WNT2B: variants seen among roughly 807,000 people sequenced by gnomAD.
The protein encoded by WNT2B is Wnt family member 2B.
A neutral mutation model predicts 40.5 loss-of-function variants in WNT2B; 19 were observed. The ratio of observed to expected loss-of-function variants is 0.47; its 90% CI spans 0.33 to 0.69. WNT2B has a LOEUF of 0.69. Ranked by LOEUF, WNT2B falls within the 30% of genes least tolerant of loss-of-function variation. The probability of loss-of-function intolerance (pLI) is 0.02; values close to 1 mark genes in which losing one functional copy is unlikely to be tolerated. For synonymous variants in WNT2B, 220 were observed against 211.9 expected, an observed-to-expected ratio of 1.04 and a Z score of -0.33; for missense variants, 467 against 556.4, an observed-to-expected ratio of 0.84 and a Z score of 1.62.
chr1:112,498,871 T>C (rs1397232284), intron 1 of WNT2B, among the ~76,000 whole-genome samples: 1 of 152,154 alleles, frequency 6.6e-6, no homozygotes, highest in African/African-American at 2.4e-5. Flanking sequence ...TTTTCCATCA[T>C]TCACTTCAAA....
rs368700550 is a variant in WNT2B, at chr1:112,520,429, C to T, written c.1096C>T (p.Arg366Trp). The T allele has an allele frequency of 5.9e-5, 96 of 1,614,076 alleles. No homozygotes were observed. Among genetic ancestry groups the T allele is most frequent in the South Asian group, 7.7e-5 (7 of 91,090 alleles). Reference protein sequence around the residue: ...ECKFHWCCAVRCKECRNTVDV... With the variant: ...ECKFHWCCAVWCKECRNTVDV... Reference sequence around the variant, plus strand: ...CAAATTCCACTGGTGCTGTGCTGTACGGTGCAAGGAATGCAGAAATACTGT... The same window carrying T: ...CAAATTCCACTGGTGCTGTGCTGTATGGTGCAAGGAATGCAGAAATACTGT... Residue 366 changes from arginine (R) to tryptophan (W), a missense_variant, in exon 5 of 5, where the codon CGG (arginine) becomes TGG (tryptophan). Around this residue, in one of 2 missense-constraint regions of WNT2B, gnomAD observed 330 missense variants for 438.6 expected, o/e 0.75. Coordinates refer to ENST00000369684, the MANE Select transcript of WNT2B (RefSeq NM_024494.3).
intron 1 of WNT2B, among the ~76,000 whole-genome samples, chr1:112,469,510 A>C (rs1242260584): frequency 1.3e-5 from 2 of 152,122 alleles, no homozygotes; most frequent in Non-Finnish European, 2.9e-5. Flanking sequence ...AATTTTGTTC[A>C]TCAGTTTTAT....
chr1:112,493,463 G>T (rs146642522), intron 1 of WNT2B, among the ~76,000 whole-genome samples: 2,982 of 152,066 alleles, frequency 0.02, 117 homozygotes, highest in African/African-American at 0.068. Flanking sequence ...ACAAAAAAAT[G>T]TATTTTGAAT....
At chr1:112,492,884 C>A (rs1651644296) in intron 1 of WNT2B, among the ~76,000 whole-genome samples, 1 of 152,174 alleles carries the variant, frequency 6.6e-6, no homozygotes, top group African/African-American at 2.4e-5. Flanking sequence ...GAGACCTAAG[C>A]ATAGAACTAT....
chr1:112,482,825 C>T (rs971733257), intron 1 of WNT2B, among the ~76,000 whole-genome samples: 2 of 152,082 alleles, frequency 1.3e-5, no homozygotes, highest in African/African-American at 4.8e-5. Context: ...TATCGCATGT[C>T]CATAGATTGA....
chr1:112,526,098 CAG>C lies in WNT2B; in HGVS notation c.*5592_*5593del. 3 of 1,614,136 alleles carry C rather than the reference CAG, an allele frequency of 1.9e-6. No individual in the cohort carries two copies. The highest frequency in any genetic ancestry group is 2.5e-6 in the Non-Finnish European group (3 of 1,180,012). ...TGAGGATGCCCAGGGTTGGGGGCACCAGAGTCCCAGCACCTTCAAAACAGAAA... is the reference window on the plus strand; with the variant it reads ...TGAGGATGCCCAGGGTTGGGGGCACCAGTCCCAGCACCTTCAAAACAGAAA... On this transcript the variant is annotated 3_prime_UTR_variant, in exon 5 of 5. Transcript: ENST00000369684.
intron 1 of WNT2B, chr1:112,491,147 T>G: frequency 6.7e-7 from 1 of 1,488,342 alleles, no homozygotes. Flanking sequence ...CGGTGGCTCG[T>G]GCCTGTAATC....
Position 112,476,586 on chromosome 1 carries a change from C to T in WNT2B, c.-95+8995C>T, listed in dbSNP as rs536422703. Among the ~76,000 whole-genome samples the T allele has an allele frequency of 1.2e-4, 19 of 152,324 alleles. No homozygotes were observed. The East Asian group carries it at 1.7e-3, about 14-fold the overall frequency. On this transcript the variant is annotated intron_variant, in intron 1 of 4. Transcript: ENST00000256640. ...TACCTACTCCACCCCATCCCCCAGT[C>T]CAAGCACAGCTTTGCACCAAGAGGC...
In WNT2B at chr1:112,497,915, C is replaced by CT. The variant is rs111316479; in HGVS notation, c.-94-16947dup. ...CCACCAAATATCCTAGTTCATCACT[C>CT]TTTTTTTTTTTTAAGTTCCGGGATA... On this transcript the variant is annotated intron_variant, in intron 1 of 4. Transcript: ENST00000256640. Among the ~76,000 whole-genome samples, 108 of 146,308 alleles carry CT rather than the reference C, an allele frequency of 7.4e-4. 1 individual carries two copies. Among genetic ancestry groups the CT allele is most frequent in the Non-Finnish European group, 9.8e-4 (65 of 66,186 alleles).
chr1:112,511,014 C>T (rs1288712434), intron 1 of WNT2B, among the ~76,000 whole-genome samples: 4 of 151,792 alleles, frequency 2.6e-5, no homozygotes. Flanking sequence ...TGCTTCTTAC[C>T]AGTTTGGGAT....
chr1:112,529,491 G>T lies in WNT2B; in HGVS notation c.*8982G>T, dbSNP rs531894525. 6.6e-6 allele frequency: 1 copy of T among 152,190 alleles called. No individual in the cohort carries two copies. The highest frequency in any genetic ancestry group is 2.1e-4 in the South Asian group (1 of 4,804). 9.4% of individuals were successfully genotyped at this position (152,190 alleles called of 1,614,324 possible). On this transcript the variant is annotated 3_prime_UTR_variant, in exon 5 of 5. Transcript: ENST00000369684. ...CCATGGAATCTGACATAAGCTGATT[G>T]CTCATGCTGGTTGTTTTATTTACAT...
intron 1 of WNT2B, among the ~76,000 whole-genome samples, chr1:112,490,008 C>T (rs1048603595): frequency 6.6e-6 from 1 of 152,048 alleles, no homozygotes; most frequent in African/African-American, 2.4e-5. Flanking sequence ...ATTAGAAATA[C>T]ACATGCAAAC....
At chr1:112,468,389 G>C (rs562139159) in intron 1 of WNT2B, among the ~76,000 whole-genome samples, 1 of 152,194 alleles carries the variant, frequency 6.6e-6, no homozygotes, top group South Asian at 2.1e-4. Flanking sequence ...GTTTTCCATA[G>C]TGGTTGTACT....
intron 1 of WNT2B, among the ~76,000 whole-genome samples, chr1:112,487,476 C>T (rs189914132): frequency 1.3e-5 from 2 of 152,248 alleles, no homozygotes; most frequent in Admixed American, 1.3e-4. Flanking sequence ...CTTAGTGTAG[C>T]CTACCTTAAA....
chr1:112,491,657 G>A (rs898423200), intron 1 of WNT2B, among the ~76,000 whole-genome samples: 12 of 152,078 alleles, frequency 7.9e-5, no homozygotes, highest in African/African-American at 1.9e-4. Context: ...AGGCCAAGGC[G>A]GGCAGATTAC....
upstream of WNT2B, among the ~76,000 whole-genome samples, chr1:112,507,161 A>G (rs1652133485): frequency 6.6e-6 from 1 of 152,072 alleles, no homozygotes; most frequent in Admixed American, 6.5e-5. Context: ...CACCTTAATG[A>G]GGCCTACCCT....
chr1:112,477,419 G>A (rs1651085157), intron 1 of WNT2B, among the ~76,000 whole-genome samples: 1 of 152,198 alleles, frequency 6.6e-6, no homozygotes, highest in Non-Finnish European at 1.5e-5. Context: ...ATACAGTCTG[G>A]AAGAGGTGGC....
chr1:112,509,559 T>A lies in WNT2B; in HGVS notation c.182+115T>A. The A allele has an allele frequency of 8.1e-7, 1 of 1,227,254 alleles. No individual in the cohort carries two copies. Among genetic ancestry groups the A allele is most frequent in the Non-Finnish European group, 1.1e-6 (1 of 925,406 alleles). The allele number at this position is 1,227,254 out of a possible 1,614,324, so 76.0% of individuals were successfully genotyped here. ...TGTTGCTTCGACGGGTTGGAGACGA[T>A]TCGGGCAGGACTGTCACTGAAATCT... On this transcript the variant is annotated intron_variant, in intron 1 of 4. Transcript: ENST00000369684. The surrounding 1 kb of genome is among the most constrained non-coding windows in gnomAD (Gnocchi z 4.2).
chr1:112,526,315 T>C lies in WNT2B; in HGVS notation c.*5806T>C. The C allele has an allele frequency of 3.9e-6, 2 of 517,548 alleles. No homozygotes were observed. Among genetic ancestry groups the C allele is most frequent in the Non-Finnish European group, 6.5e-6 (2 of 306,262 alleles). 32.1% of individuals were successfully genotyped at this position (517,548 alleles called of 1,614,324 possible). A position where few individuals can be genotyped will look rare whatever the true frequency, so the allele number is the denominator to read the frequency against. ...AACATATTCCACATTTAAACAACTCTGGCTCCTAATTCTACTCCTTTTTTC... is the reference window on the plus strand; with the variant it reads ...AACATATTCCACATTTAAACAACTCCGGCTCCTAATTCTACTCCTTTTTTC... On this transcript the variant is annotated 3_prime_UTR_variant, in exon 5 of 5. Coordinates refer to ENST00000369684, the MANE Select transcript of WNT2B (RefSeq NM_024494.3).
Sources: allele counts gnomAD v4.1 joint callset (sites outside exome capture counted in the v4.1 genomes callset), GRCh38; gene constraint gnomAD v4.1.1; regional missense constraint gnomAD v4.1.1; non-coding constraint Gnocchi (gnomAD v3.1); transcripts MANE v1.5; gene names NCBI Gene and HGNC (gene_info 2026-07-23, HGNC 2026-07-21).